Variants in CHCHD3 observed in about 807,000 individuals in gnomAD.
CHCHD3 encodes MICOS complex subunit MIC19.
CHCHD3 carries 20 observed loss-of-function variants against 38.2 expected under a neutral mutation model. The ratio of observed to expected loss-of-function variants is 0.52; its 90% CI spans 0.37 to 0.76. The LOEUF (loss-of-function observed/expected upper bound fraction) is 0.76, where lower values mean the gene tolerates loss of function less well. Among genes scored for constraint, CHCHD3 ranks in the 30% least tolerant of loss-of-function variants. The probability of loss-of-function intolerance (pLI) is 0.00; values close to 1 mark genes in which losing one functional copy is unlikely to be tolerated. For synonymous variants in CHCHD3, 82 were observed against 100.0 expected, an observed-to-expected ratio of 0.82 and a Z score of 1.07; for missense variants, 245 against 279.2, an observed-to-expected ratio of 0.88 and a Z score of 0.87.
chr7:133,076,628 T>C (rs1049655555), intron 1 of CHCHD3, among the ~76,000 whole-genome samples: 6 of 152,172 alleles, frequency 3.9e-5, no homozygotes, highest in African/African-American at 1.4e-4. Flanking sequence ...GTCTTCCCAC[T>C]CATCTCTTCC....
chr7:132,908,175 T>TTAA (rs746470702), intron 4 of CHCHD3, among the ~76,000 whole-genome samples: 4 of 152,196 alleles, frequency 2.6e-5, no homozygotes, highest in Non-Finnish European at 5.9e-5. Context: ...ATTGTTTGCT[T>TTAA]TAACCATCAG....
At chr7:132,814,560 C>G (rs1402414069) in intron 6 of CHCHD3, among the ~76,000 whole-genome samples, 1 of 152,176 alleles carries the variant, frequency 6.6e-6, no homozygotes. Flanking sequence ...TATAAATGCA[C>G]CATGGCTGAA....
chr7:132,993,735 C>T (rs960578980), intron 3 of CHCHD3, among the ~76,000 whole-genome samples: 5 of 152,170 alleles, frequency 3.3e-5, no homozygotes, highest in African/African-American at 1.2e-4. Flanking sequence ...CCCTCACCCA[C>T]CCAAACCAGT....
chr7:132,980,334 A>T (rs1333419103), intron 3 of CHCHD3, among the ~76,000 whole-genome samples: 1 of 152,266 alleles, frequency 6.6e-6, no homozygotes, highest in Admixed American at 6.5e-5. Context: ...TCTCAAAACA[A>T]AACTAAACAT....
At chr7:133,027,531 T>C (rs1188440121) in intron 2 of CHCHD3, among the ~76,000 whole-genome samples, 1 of 152,038 alleles carries the variant, frequency 6.6e-6, no homozygotes, top group South Asian at 2.1e-4. Context: ...ATTTAATGTC[T>C]AATCCCACCA....
intron 3 of CHCHD3, among the ~76,000 whole-genome samples, chr7:132,990,981 C>CACACAA (rs1376258976): frequency 6.6e-6 from 1 of 151,486 alleles, no homozygotes; most frequent in African/African-American, 2.4e-5. Flanking sequence ...CACACACACA[C>CACACAA]AACCTAACTC....
At chr7:132,987,664 T>C (rs1812156095) in intron 3 of CHCHD3, among the ~76,000 whole-genome samples, 1 of 152,304 alleles carries the variant, frequency 6.6e-6, no homozygotes, top group African/African-American at 2.4e-5. Flanking sequence ...AATGACTTAT[T>C]TTATGACAGG....
At chr7:132,919,580 G>A (rs1810208568) in intron 4 of CHCHD3, among the ~76,000 whole-genome samples, 1 of 152,154 alleles carries the variant, frequency 6.6e-6, no homozygotes, top group Non-Finnish European at 1.5e-5. Context: ...ATTCTAACTT[G>A]CAAGAGATAG....
At chr7:133,018,532 C>T (rs980280473) in intron 3 of CHCHD3, among the ~76,000 whole-genome samples, 2 of 151,992 alleles carry the variant, frequency 1.3e-5, no homozygotes, top group African/African-American at 4.8e-5. Flanking sequence ...TTTTTAATTA[C>T]TTACACCTAG....
At chr7:132,933,114 A>T (rs148574815) in intron 4 of CHCHD3, among the ~76,000 whole-genome samples, 1 of 152,332 alleles carries the variant, frequency 6.6e-6, no homozygotes, top group East Asian at 1.9e-4. Context: ...TCTGAGTTAG[A>T]TGAAAACAAC....
intron 4 of CHCHD3, among the ~76,000 whole-genome samples, chr7:132,919,634 T>C (rs886395918): frequency 5.3e-5 from 8 of 152,234 alleles, no homozygotes; most frequent in African/African-American, 1.7e-4. Context: ...GGCATACTGC[T>C]GTTGGGCTCA....
intron 4 of CHCHD3, among the ~76,000 whole-genome samples, chr7:132,920,639 C>G (rs1030208912): frequency 1.3e-5 from 2 of 152,160 alleles, no homozygotes; most frequent in East Asian, 3.9e-4. Context: ...CAGATGCTGA[C>G]AGAATGCTTT....
Position 132,813,081 on chromosome 7 carries a change from G to A in CHCHD3, c.525-16504C>T, listed in dbSNP as rs538481550. Among the ~76,000 whole-genome samples, 5 of 152,314 alleles carry A rather than the reference G, an allele frequency of 3.3e-5. No individual in the cohort carries two copies. The South Asian group carries it at 1.0e-3, about 32-fold the overall frequency. ...ATCAGTTATTTCTCCCATTAGACCAGAAGCTCCAAAAGGGCAGTATTCCCA... is the reference window on the plus strand; with the variant it reads ...ATCAGTTATTTCTCCCATTAGACCAAAAGCTCCAAAAGGGCAGTATTCCCA... On this transcript the variant is annotated intron_variant, in intron 6 of 7. Coordinates refer to ENST00000262570, the MANE Select transcript of CHCHD3 (RefSeq NM_017812.4).
At chr7:132,826,906 A>G (rs1480477123) in intron 6 of CHCHD3, among the ~76,000 whole-genome samples, 1 of 152,246 alleles carries the variant, frequency 6.6e-6, no homozygotes, top group Non-Finnish European at 1.5e-5. Context: ...GGAGAGTACA[A>G]CAGGCAAATG....
chr7:132,858,714 T>C (rs1239269053), intron 5 of CHCHD3, among the ~76,000 whole-genome samples: 1 of 152,166 alleles, frequency 6.6e-6, no homozygotes, highest in Non-Finnish European at 1.5e-5. Context: ...ATTGCCCATA[T>C]CCCATCAAAT....
In CHCHD3 at chr7:132,925,233, T is replaced by A. The variant is rs1022085328; in HGVS notation, c.370-39488A>T. On this transcript the variant is annotated intron_variant, in intron 4 of 7. Transcript: ENST00000262570. Reference sequence around the variant, plus strand: ...TTAGAAAAGGGAGAGGCTCTTATTTTAAAAAAAAGAAAAAAAAAGGAGGGA... The same window carrying A: ...TTAGAAAAGGGAGAGGCTCTTATTTAAAAAAAAAGAAAAAAAAAGGAGGGA... 2.0e-4 allele frequency among the ~76,000 whole-genome samples: 30 copies of A among 150,850 alleles called. No homozygotes were observed. In the Middle Eastern group the frequency reaches 0.01, roughly 52 times the overall value.
At chr7:133,005,039 AC>A (rs1022919691) in intron 3 of CHCHD3, among the ~76,000 whole-genome samples, 11 of 152,172 alleles carry the variant, frequency 7.2e-5, no homozygotes, top group African/African-American at 2.4e-4. Flanking sequence ...ATTGATCTTT[AC>A]AAAAAAGTAG....
At chr7:132,847,371 C>T (rs1475984263) in intron 5 of CHCHD3, 3 of 152,188 alleles carry the variant, frequency 2.0e-5, no homozygotes, top group Non-Finnish European at 4.4e-5. Context: ...AGCACAAAAT[C>T]AAGTACAAAA....
At chr7:133,008,981 AAAAC>A (rs1000769624) in intron 3 of CHCHD3, among the ~76,000 whole-genome samples, 7 of 152,064 alleles carry the variant, frequency 4.6e-5, no homozygotes, top group South Asian at 4.1e-4. Flanking sequence ...AAAAAAAAAA[AAAAC>A]AACAACAACA....
Sources: gnomAD v4.1 joint callset for allele counts (sites outside exome capture counted in the v4.1 genomes callset) on GRCh38, gnomAD v4.1.1 for gene constraint, MANE v1.5 for transcripts, NCBI Gene and HGNC (gene_info 2026-07-23, HGNC 2026-07-21) for gene names.